The following CACNA1C variants were observed in gnomAD, a reference collection of about 807,000 sequenced individuals.
The protein encoded by CACNA1C is calcium voltage-gated channel subunit alpha1 C.
Under a neutral mutation model 229.0 loss-of-function variants are expected in CACNA1C, and 30 were observed. That is an observed-to-expected ratio of 0.13 (90% CI 0.10 to 0.18). The LOEUF is 0.18. Among genes scored for constraint, CACNA1C ranks in the 10% least tolerant of loss-of-function variants. The probability of loss-of-function intolerance (pLI) is 1.00; values close to 1 mark genes in which losing one functional copy is unlikely to be tolerated. For missense variants in CACNA1C, 1,658 were observed against 2,845.0 expected, an observed-to-expected ratio of 0.58 and a Z score of 9.49; for synonymous variants, 1,114 against 1,132.5, an observed-to-expected ratio of 0.98 and a Z score of 0.33.
At chr12:2,247,366 T>C (rs1474486648) in intron 3 of CACNA1C, among the ~76,000 whole-genome samples, 2 of 152,256 alleles carry the variant, frequency 1.3e-5, no homozygotes, top group African/African-American at 4.8e-5. Flanking sequence ...TCTCTTGTCC[T>C]TGAACTCCTT....
At chr12:2,392,821 C>A (rs1171349886) in intron 3 of CACNA1C, among the ~76,000 whole-genome samples, 1 of 152,074 alleles carries the variant, frequency 6.6e-6, no homozygotes, top group Non-Finnish European at 1.5e-5. Flanking sequence ...AGGGCTGGCC[C>A]CATCGCACAT....
chr12:2,491,962 TTCTCTCTCTCTC>T (rs57394200), intron 6 of CACNA1C, among the ~76,000 whole-genome samples: 217 of 147,246 alleles, frequency 1.5e-3, no homozygotes, highest in African/African-American at 4.6e-3. Context: ...TATAAGCAAA[TTCTCTCTCTCTC>T]TCTCTCTCTC....
intron 11 of CACNA1C, among the ~76,000 whole-genome samples, chr12:2,561,583 A>G (rs1027550877): frequency 2.6e-5 from 4 of 152,242 alleles, no homozygotes; most frequent in Admixed American, 1.3e-4. Flanking sequence ...TGTGAGCCCC[A>G]CAGGAGGGGC....
In CACNA1C at chr12:2,411,192, C is replaced by T. The variant is rs116846988; in HGVS notation, c.478-37784C>T. 3.6e-3 allele frequency among the ~76,000 whole-genome samples: 553 copies of T among 152,206 alleles called. 9 individuals carry two copies. The East Asian group carries it at 0.084, about 23-fold the overall frequency. On this transcript the variant is annotated intron_variant, in intron 3 of 46. Transcript: ENST00000399655. The stretch of plus-strand genomic sequence containing the variant: ...GTGGGGTATCAGGAGCCTCACCACT[C>T]GAGCGGGGAAGAAGGACAGAGCAGC...
In CACNA1C at chr12:2,610,541, C is replaced by A; in HGVS notation, c.3559C>A (p.Arg1187=). 6.2e-7 allele frequency: 1 copy of A among 1,611,672 alleles called. No homozygotes were observed. Among genetic ancestry groups the A allele is most frequent in the Non-Finnish European group, 8.5e-7 (1 of 1,178,326 alleles). Residue 1187 remains arginine, a splice_region_variant and synonymous_variant, in exon 28 of 47, where the codon CGA becomes AGA. Coordinates refer to ENST00000399655, the MANE Select transcript of CACNA1C (RefSeq NM_000719.7). The part of the protein sequence containing the change: ...YKNCELDKNQ[R]QCVEYALKAR... ...TCCCCATCCTCCACCACCCTCCCAG[C>A]GACAGTGCGTGGAATACGCCCTCAA...
At chr12:2,351,771 G>C (rs1567191375) in intron 3 of CACNA1C, among the ~76,000 whole-genome samples, 1 of 152,074 alleles carries the variant, frequency 6.6e-6, no homozygotes, top group Non-Finnish European at 1.5e-5. Flanking sequence ...CTCCCATGTG[G>C]GTTCTGCAGG....
intron 30 of CACNA1C, among the ~76,000 whole-genome samples, chr12:2,638,801 C>T (rs1025069030): frequency 1.3e-5 from 2 of 152,086 alleles, no homozygotes; most frequent in Non-Finnish European, 2.9e-5. Flanking sequence ...GGCAAGGAGG[C>T]GGGCTGGAGG....
intron 9 of CACNA1C, among the ~76,000 whole-genome samples, chr12:2,548,780 C>A (rs940729935): frequency 1.3e-5 from 2 of 152,132 alleles, no homozygotes; most frequent in African/African-American, 2.4e-5. Flanking sequence ...ATCCATGCAA[C>A]CAGTAAAAGT....
rs1423477481 is a variant in CACNA1C, at chr12:2,665,833, C to T, written c.4526+125C>T. On this transcript the variant is annotated intron_variant, in intron 36 of 46. Coordinates refer to ENST00000399655, the MANE Select transcript of CACNA1C (RefSeq NM_000719.7). The surrounding 1 kb of genome is among the most constrained non-coding windows in gnomAD (Gnocchi z 5.9). The stretch of plus-strand genomic sequence containing the variant: ...CAATTAGAAACACTGGATTGTATCA[C>T]ACCCTAGGGTGAAAGGTCAAGGGCC... 8.4e-6 allele frequency: 8 copies of T among 952,740 alleles called. No homozygotes were observed. The highest frequency in any genetic ancestry group is 1.2e-5 in the Non-Finnish European group (8 of 663,664). 59.0% of individuals were successfully genotyped at this position (952,740 alleles called of 1,614,324 possible).
chr12:2,097,309 C>A (rs562850917), intron 1 of CACNA1C, among the ~76,000 whole-genome samples: 6 of 152,058 alleles, frequency 3.9e-5, no homozygotes, highest in African/African-American at 1.2e-4. Context: ...CCACGCCCAG[C>A]TAATTTTTTT....
intron 1 of CACNA1C, among the ~76,000 whole-genome samples, chr12:2,033,227 G>GTC (rs761913176): frequency 1.3e-5 from 2 of 152,150 alleles, no homozygotes; most frequent in Non-Finnish European, 2.9e-5. Flanking sequence ...AGTGAAGCCA[G>GTC]TCTCTGTGTC....
Position 2,042,858 on chromosome 12 carries a change from G to A in CACNA1C, c.139+71657G>A, listed in dbSNP as rs535546096. Among the ~76,000 whole-genome samples the A allele has an allele frequency of 3.9e-5, 6 of 152,276 alleles. No homozygotes were observed. In the East Asian group the frequency reaches 7.7e-4, roughly 20 times the overall value. On this transcript the variant is annotated intron_variant, in intron 1 of 46. Transcript: ENST00000682462. ...GTCCTACACTACTCCAATCACTTTC[G>A]AAGGCCACTTGGGAAATTGTTAGCA...
At chr12:2,347,686 C>A (rs1015384177) in intron 3 of CACNA1C, among the ~76,000 whole-genome samples, 1 of 152,258 alleles carries the variant, frequency 6.6e-6, no homozygotes, top group South Asian at 2.1e-4. Flanking sequence ...GAGGGTTTGC[C>A]TTATGGGATT....
intron 43 of CACNA1C, among the ~76,000 whole-genome samples, chr12:2,685,242 C>CTT (rs2097389128): frequency 6.6e-6 from 1 of 150,864 alleles, no homozygotes; most frequent in Non-Finnish European, 1.5e-5. Flanking sequence ...CTGCTGTTCA[C>CTT]CTACTGAGTG....
intron 1 of CACNA1C, among the ~76,000 whole-genome samples, chr12:1,986,239 T>C (rs193207329): frequency 1.1e-3 from 163 of 152,328 alleles, no homozygotes; most frequent in African/African-American, 3.6e-3. Flanking sequence ...GTTACATGTA[T>C]GTAGCTCACA....
At chr12:2,055,323 T>C (rs1216606348) in intron 1 of CACNA1C, among the ~76,000 whole-genome samples, 1 of 152,226 alleles carries the variant, frequency 6.6e-6, no homozygotes, top group African/African-American at 2.4e-5. Flanking sequence ...GACTGCGTGC[T>C]TTACCCACCT....
intron 1 of CACNA1C, among the ~76,000 whole-genome samples, chr12:2,112,007 G>A (rs989730892): frequency 3.9e-5 from 6 of 152,184 alleles, no homozygotes; most frequent in Non-Finnish European, 8.8e-5. Context: ...AGGAGGAGGC[G>A]TGCACCTTGT....
At chr12:1,984,236 G>A (rs567545313) in intron 1 of CACNA1C, among the ~76,000 whole-genome samples, 3 of 152,014 alleles carry the variant, frequency 2.0e-5, no homozygotes, top group East Asian at 1.9e-4. Context: ...CGTAACTACC[G>A]ATATGGTTGA....
At position 2,607,037 on chromosome 12, in the gene CACNA1C, C is replaced by G; in HGVS notation, c.3263C>G (p.Pro1088Arg). The G allele has an allele frequency of 6.2e-7, 1 of 1,614,036 alleles. No homozygotes were observed. Among genetic ancestry groups the G allele is most frequent in the South Asian group, 1.1e-5 (1 of 91,084 alleles). ...GAGGTTGACCACCCCATCATCCAAC[C>G]CCGCAGCTGGGAGAACAGCAAGTTT... ...DGEVDHPIIQPRSWENSKFDF... is the reference protein window; with the variant it reads ...DGEVDHPIIQRRSWENSKFDF... The change falls in exon 26 of 47, where the codon CCC becomes CGC. Residue 1088 changes from proline to arginine, a missense_variant. Around this residue, in one of 20 missense-constraint regions of CACNA1C, gnomAD observed 77 missense variants for 130.9 expected, o/e 0.59. Transcript: ENST00000399655.
Sources: allele counts gnomAD v4.1 joint callset (sites outside exome capture counted in the v4.1 genomes callset), GRCh38; gene constraint gnomAD v4.1.1; regional missense constraint gnomAD v4.1.1; non-coding constraint Gnocchi (gnomAD v3.1); transcripts MANE v1.5; gene names NCBI Gene and HGNC (gene_info 2026-07-23, HGNC 2026-07-21).